Variants in CARD10 observed in about 807,000 individuals in gnomAD.
CARD10 encodes the protein caspase recruitment domain family member 10, also known as caspase recruitment domain-containing protein 10.
CARD10 carries 49 observed loss-of-function variants against 114.6 expected under a neutral mutation model. That is an observed-to-expected ratio of 0.43 (90% CI 0.34 to 0.54). CARD10 has a LOEUF of 0.54. Ranked by LOEUF, CARD10 falls within the 20% of genes least tolerant of loss-of-function variation. The pLI, the probability that CARD10 is intolerant of heterozygous loss-of-function variation, is 0.03. For missense variants in CARD10, 1,206 were observed against 1,397.2 expected, an observed-to-expected ratio of 0.86 and a Z score of 2.18; for synonymous variants, 602 against 593.2, an observed-to-expected ratio of 1.01 and a Z score of -0.21.
At chr22:37,506,091 G>A (rs938566409) in intron 7 of CARD10, 101 bp downstream of exon 7, 13 of 917,238 alleles carry the variant, frequency 1.4e-5, no homozygotes, top group African/African-American at 1.7e-5. Flanking sequence ...TCCCCTGGCT[G>A]AGGTCTCCCA....
chr22:37,508,904 G>A (rs767334199), intron 4 of CARD10: 1 of 1,361,462 alleles, frequency 7.3e-7, no homozygotes, highest in Non-Finnish European at 1.0e-6. Flanking sequence ...TGGGGTACAA[G>A]TAAGCTAATA....
At position 37,510,206 on chromosome 22, in the gene CARD10, T is replaced by C. The variant is rs1370574237; in HGVS notation, c.909+6A>G. On this transcript the variant is annotated splice_donor_region_variant and intron_variant, in intron 4 of 19. Transcript: ENST00000251973. Reference sequence around the variant, plus strand: ...AGCCTGTGCCCACAAGCCCTGGCCCTGGTACCTGCTGCAGGCCCTCCTGCA... The same window carrying C: ...AGCCTGTGCCCACAAGCCCTGGCCCCGGTACCTGCTGCAGGCCCTCCTGCA... The C allele has an allele frequency of 6.3e-7, 1 of 1,599,024 alleles. No homozygotes were observed. The highest frequency in any genetic ancestry group is 1.7e-5 in the Admixed American group (1 of 59,972).
chr22:37,508,514 G>A lies in CARD10; in HGVS notation c.1065+13C>T. 1 of 1,581,572 alleles carries A rather than the reference G, an allele frequency of 6.3e-7. No individual in the cohort carries two copies. The highest frequency in any genetic ancestry group is 8.5e-7 in the Non-Finnish European group (1 of 1,170,124). ...CCTCCCGCACAAGGGGCAGGGCACG[G>A]GCAGGGCCCCACCTGGTCGCGCAGC... On this transcript the variant is annotated intron_variant, in intron 5 of 19. Transcript: ENST00000251973.
intron 3 of CARD10, among the ~76,000 whole-genome samples, chr22:37,512,424 T>G (rs1923683860): frequency 6.8e-6 from 1 of 147,412 alleles, no homozygotes. Context: ...AGTGACTTGC[T>G]AGTTCCCCAG....
Position 37,492,597 on chromosome 22 carries a change from C to G in CARD10, c.2635+47G>C. 6.2e-7 allele frequency: 1 copy of G among 1,606,658 alleles called. No homozygotes were observed. The highest frequency in any genetic ancestry group is 8.5e-7 in the Non-Finnish European group (1 of 1,175,812). ...AGAGATGAAGGATCCATGGGCCCGG[C>G]TGCCCAGAGGGGCACCCAGCCTCCC... On this transcript the variant is annotated intron_variant, in intron 17 of 19. Coordinates refer to ENST00000251973, the MANE Select transcript of CARD10 (RefSeq NM_014550.4). This position sits in a 1 kb window ranked among gnomAD's most constrained non-coding sequence, Gnocchi z 5.7.
Position 37,507,885 on chromosome 22 carries a change from G to A in CARD10, c.1135C>T (p.His379Tyr). 6.2e-7 allele frequency: 1 copy of A among 1,614,224 alleles called. No individual in the cohort carries two copies. Among genetic ancestry groups the A allele is most frequent in the South Asian group, 1.1e-5 (1 of 91,090 alleles). ...TLQKDCDLYK[H>Y]RMATVLAQLE... ...TGGGCCAGGACAGTGGCCATGCGGT[G>A]CTTGTACAGGTCACAGTCCTTCTGC... The change falls in exon 6 of 20, where the codon CAC (histidine) becomes TAC (tyrosine). Residue 379 changes from histidine to tyrosine, a missense_variant. Coordinates refer to ENST00000251973, the MANE Select transcript of CARD10 (RefSeq NM_014550.4).
At chr22:37,512,273 T>C (rs1272053436) in intron 3 of CARD10, 1 of 152,006 alleles carries the variant, frequency 6.6e-6, no homozygotes, top group Non-Finnish European at 1.5e-5. Flanking sequence ...GGGTCTGAGG[T>C]GGCCAGACAG....
chr22:37,497,155 C>A lies in CARD10; in HGVS notation c.1811G>T (p.Gly604Val). Residue 604 changes from glycine (G) to valine (V), a missense_variant, in exon 12 of 20, where the codon GGC (glycine) becomes GTC (valine). Gly to Val is a moderately radical substitution (Grantham distance 109). Coordinates refer to ENST00000251973, the MANE Select transcript of CARD10 (RefSeq NM_014550.4). ...LNRSLAIRVS[G>V]RSPPGGPEPQ... is the part of the protein sequence containing the mutation. ...CTCTGGGCCCCCTGGGGGGCTCCGG[C>A]CAGACACCCGAATAGCCAGAGACCT... 2 of 1,613,668 alleles carry A rather than the reference C, an allele frequency of 1.2e-6. No homozygotes were observed. The highest frequency in any genetic ancestry group is 1.7e-6 in the Non-Finnish European group (2 of 1,179,826).
At chr22:37,509,178 A>C in intron 4 of CARD10, 2 of 1,433,222 alleles carry the variant, frequency 1.4e-6, no homozygotes, top group Non-Finnish European at 1.8e-6. Context: ...ACTGGCTCTC[A>C]TCCCCCACTT....
intron 1 of CARD10, 89 bp from the exon 2 acceptor site, chr22:37,518,197 C>T: frequency 2.2e-6 from 3 of 1,340,328 alleles, no homozygotes; most frequent in Middle Eastern, 2.1e-4. Context: ...GCTCCAGGCC[C>T]ACGTTCCCCA....
rs1336831480 is a variant in CARD10, at chr22:37,516,031, G to A, written c.641C>T (p.Ala214Val). Residue 214 changes from alanine (A) to valine (V), a missense_variant, in exon 3 of 20, where the codon GCA (alanine) becomes GTA (valine). Physicochemically the swap from Ala to Val is moderately conservative, Grantham distance 64 (BLOSUM62 0). Transcript: ENST00000251973. ...CGAGTTCTTCTCCTCACTGAGCTGTGCCAGGCGCATGGCGATCATGTAGTT... is the reference window on the plus strand; with the variant it reads ...CGAGTTCTTCTCCTCACTGAGCTGTACCAGGCGCATGGCGATCATGTAGTT... ...DENYMIAMRL[A>V]QLSEEKNSAV... The A allele has an allele frequency of 6.2e-7, 1 of 1,602,632 alleles. No individual in the cohort carries two copies. Among genetic ancestry groups the A allele is most frequent in the Non-Finnish European group, 8.5e-7 (1 of 1,175,514 alleles).
rs1923286276 is a variant in CARD10, at chr22:37,503,279, T to G, written c.1635-66A>C. On this transcript the variant is annotated intron_variant, in intron 9 of 19. Coordinates refer to ENST00000251973, the MANE Select transcript of CARD10 (RefSeq NM_014550.4). ...ACAGTGGGCACTCTGCCCCGCTCCC[T>G]CCTCCTGCCCCCACACCAGATAAAT... The G allele has an allele frequency of 4.1e-6, 6 of 1,457,476 alleles. No homozygotes were observed. In the South Asian group the frequency reaches 7.7e-5, roughly 19 times the overall value. 90.3% of individuals were successfully genotyped at this position (1,457,476 alleles called of 1,614,324 possible). A position where few individuals can be genotyped will look rare whatever the true frequency, so the allele number is the denominator to read the frequency against.
chr22:37,502,021 A>ATTC (rs1461099473), intron 11 of CARD10, among the ~76,000 whole-genome samples: 4 of 152,162 alleles, frequency 2.6e-5, no homozygotes, highest in African/African-American at 9.7e-5. Context: ...CCCCTCCCTT[A>ATTC]GATACACTGG....
At chr22:37,491,434 A>G in intron 19 of CARD10, 41 bp from the exon 20 acceptor site, 1 of 1,380,388 alleles carries the variant, frequency 7.2e-7, no homozygotes. Context: ...GTGGGGGACC[A>G]AGACAGACAG....
chr22:37,495,957 T>C lies in CARD10; in HGVS notation c.2106A>G (p.Pro702=). The C allele has an allele frequency of 6.2e-7, 1 of 1,614,132 alleles. No homozygotes were observed. The highest frequency in any genetic ancestry group is 8.5e-7 in the Non-Finnish European group (1 of 1,180,032). Residue 702 remains proline, a synonymous_variant, in exon 14 of 20, where the codon CCA becomes CCG. Transcript: ENST00000251973. ...CACGAATGTAGAAGGGCTCGGCACC[T>C]GGTCCCTTTGCCCAGGCTTCTAGGG... ...HEALEAWAKG[P]GAEPFYIRAN...
intron 3 of CARD10, among the ~76,000 whole-genome samples, chr22:37,512,452 G>A (rs939487078): frequency 9.1e-6 from 1 of 110,262 alleles, no homozygotes; most frequent in Admixed American, 9.1e-5. Flanking sequence ...AGGTTAGAAT[G>A]GCAGCCCCCC....
chr22:37,511,375 A>AG (rs1180603953), intron 3 of CARD10, among the ~76,000 whole-genome samples: 123 of 117,290 alleles, frequency 1.0e-3, no homozygotes, highest in East Asian at 6.8e-3. Context: ...AAAAAAAAAA[A>AG]AAGAAGAAGA....
At chr22:37,502,389 A>G (rs1230438644) in intron 11 of CARD10, among the ~76,000 whole-genome samples, 1 of 152,246 alleles carries the variant, frequency 6.6e-6, no homozygotes, top group Non-Finnish European at 1.5e-5. Context: ...TACTGAGGAA[A>G]TGGAGGCCCA....
At chr22:37,491,665 GGA>G (rs1922801524) in intron 19 of CARD10, 88 bp downstream of exon 19, 8 of 626,970 alleles carry the variant, frequency 1.3e-5, no homozygotes, top group South Asian at 5.0e-5. Context: ...AGAGGGGGAG[GGA>G]GAGAGAGGGG....
Sources: gnomAD v4.1 joint callset for allele counts (sites outside exome capture counted in the v4.1 genomes callset) on GRCh38, gnomAD v4.1.1 for gene constraint, Gnocchi (gnomAD v3.1) non-coding constraint, MANE v1.5 for transcripts, NCBI Gene and HGNC (gene_info 2026-07-23, HGNC 2026-07-21) for gene names.